Variants in EIF2D observed in about 807,000 individuals in gnomAD.
EIF2D encodes eukaryotic translation initiation factor 2D.
Under a neutral mutation model 77.4 loss-of-function variants are expected in EIF2D, and 56 were observed. The ratio of observed to expected loss-of-function variants is 0.72; its 90% CI spans 0.58 to 0.90. The LOEUF (loss-of-function observed/expected upper bound fraction) is 0.90, where lower values mean the gene tolerates loss of function less well. Ranked by LOEUF, EIF2D falls within the 40% of genes least tolerant of loss-of-function variation. The pLI, the probability that EIF2D is intolerant of heterozygous loss-of-function variation, is 0.00. For synonymous variants in EIF2D, 230 were observed against 271.0 expected (o/e 0.85, Z 1.49); for missense variants, 574 against 706.5 (o/e 0.81, Z 2.13).
chr1:206,569,713 G>A (rs1553403908), downstream of EIF2D, among the ~76,000 whole-genome samples: 1 of 152,162 alleles, frequency 6.6e-6, no homozygotes, highest in Non-Finnish European at 1.5e-5. Context: ...CCTGATCTCT[G>A]AGCACAGGCT....
At chr1:206,585,970 T>A (rs1337434189) in intron 2 of EIF2D, 3 of 152,436 alleles carry the variant, frequency 2.0e-5, no homozygotes, top group African/African-American at 7.2e-5. Flanking sequence ...TTGGCATCTG[T>A]GCAGAATATG....
At chr1:206,577,003 G>A (rs567845769) in intron 4 of EIF2D, among the ~76,000 whole-genome samples, 33 of 151,528 alleles carry the variant, frequency 2.2e-4, no homozygotes, top group African/African-American at 7.5e-4. Context: ...TAGAGACAGG[G>A]TCTCACTATG....
chr1:206,583,058 T>G (rs1553406677), intron 2 of EIF2D: 1 of 503,932 alleles, frequency 2.0e-6, no homozygotes, highest in African/African-American at 1.9e-5. Flanking sequence ...CTTAGAGAAA[T>G]CTGAGTTACT....
At chr1:206,606,646 G>T (rs1326103707) in intron 4 of EIF2D, among the ~76,000 whole-genome samples, 1 of 152,116 alleles carries the variant, frequency 6.6e-6, no homozygotes, top group African/African-American at 2.4e-5. Flanking sequence ...GTTCCAAAGC[G>T]TTCAAGGAAA....
chr1:206,600,359 A>T (rs1553411056), intron 7 of EIF2D, 51 bp from the exon 8 acceptor site: 1 of 1,556,928 alleles, frequency 6.4e-7, no homozygotes, highest in South Asian at 1.1e-5. Flanking sequence ...TCATACTGGG[A>T]CCTGCCTGAC....
intron 8 of EIF2D, 23 bp downstream of exon 8, chr1:206,600,240 C>G: frequency 6.2e-7 from 1 of 1,612,268 alleles, no homozygotes; most frequent in Non-Finnish European, 8.5e-7. Flanking sequence ...CTGCATGGGT[C>G]TGCAAAGAAG....
chr1:206,582,693 G>A (rs1224470224), intron 2 of EIF2D, among the ~76,000 whole-genome samples: 3 of 152,232 alleles, frequency 2.0e-5, no homozygotes, highest in Non-Finnish European at 4.4e-5. Flanking sequence ...TATGTGAAAA[G>A]CACTGTGGCA....
chr1:206,610,026 G>A (rs1553413565), intron 2 of EIF2D, among the ~76,000 whole-genome samples: 1 of 152,138 alleles, frequency 6.6e-6, no homozygotes, highest in African/African-American at 2.4e-5. Flanking sequence ...AAGAGAAAAG[G>A]AGACTGAGTC....
chr1:206,606,009 A>G (rs782421273), intron 4 of EIF2D, among the ~76,000 whole-genome samples: 2 of 152,224 alleles, frequency 1.3e-5, no homozygotes, highest in Non-Finnish European at 1.5e-5. Flanking sequence ...AGTTGACTTT[A>G]TAAGAGGGGT....
In EIF2D at chr1:206,608,316, C is replaced by T; in HGVS notation, c.342G>A (p.Leu114=). The T allele has an allele frequency of 6.2e-7, 1 of 1,611,176 alleles. No homozygotes were observed. The highest frequency in any genetic ancestry group is 8.5e-7 in the Non-Finnish European group (1 of 1,178,376). Residue 114 remains leucine, a synonymous_variant, in exon 4 of 15, where the codon CTG becomes CTA. Transcript: ENST00000271764. ...EKLVGGADLM[L]PGLVMPPAGL... is the part of the protein sequence containing the mutation. ...CAGCAGGGGGCATCACCAGTCCAGG[C>T]AGCATCAAATCTGCAATGAACAAAA...
In EIF2D at chr1:206,609,384, C is replaced by A; in HGVS notation, c.323G>T (p.Gly108Val). 3.1e-6 allele frequency: 5 copies of A among 1,614,176 alleles called. No individual in the cohort carries two copies. The highest frequency in any genetic ancestry group is 4.2e-6 in the Non-Finnish European group (5 of 1,180,006). ...TWPLVLEKLV[G>V]GADLMLPGLV... ...TAGGAGAATCCTCTTACCTGCTCCC[C>A]CTACCAGTTTCTCGAGCACCAGAGG... The change falls in exon 3 of 15, where the codon GGG (glycine) becomes GTG (valine). Residue 108 changes from glycine (G) to valine (V), a missense_variant. By Grantham distance (109) the Gly-to-Val change is moderately radical. Transcript: ENST00000271764.
At chr1:206,577,564 T>G (rs139279340) in intron 4 of EIF2D, among the ~76,000 whole-genome samples, 1 of 152,210 alleles carries the variant, frequency 6.6e-6, no homozygotes, top group East Asian at 1.9e-4. Context: ...TAGTTAGTCA[T>G]GGGAGTCAGA....
At chr1:206,573,946 C>T (rs1237408567) in intron 4 of EIF2D, among the ~76,000 whole-genome samples, 5 of 152,376 alleles carry the variant, frequency 3.3e-5, no homozygotes, top group Admixed American at 3.3e-4. Flanking sequence ...GCCCAGCGTG[C>T]AAGGCAGCAT....
At chr1:206,605,578 C>T in intron 4 of EIF2D, 71 bp from the exon 5 acceptor site, 1 of 1,316,546 alleles carries the variant, frequency 7.6e-7, no homozygotes, top group Non-Finnish European at 1.1e-6. Flanking sequence ...GGATCATCTT[C>T]TGACACATGT....
chr1:206,611,328 T>C lies in EIF2D; in HGVS notation c.103A>G (p.Thr35Ala), dbSNP rs35905398. ...DVTTAFPTLG[T>A]DQVSELVPGK... ...GGTACTAACTCAGAGACTTGATCAG[T>C]TCCAAGGGTGGGGAAAGCAGTTGTC... is the stretch of plus-strand genomic sequence containing the variant. The change falls in exon 2 of 15, where the codon ACT becomes GCT. Residue 35 changes from threonine (T) to alanine (A), a missense_variant. Thr to Ala is a moderately conservative substitution (Grantham distance 58, BLOSUM62 0). Coordinates refer to ENST00000271764, the MANE Select transcript of EIF2D (RefSeq NM_006893.3). 6.6e-5 allele frequency: 106 copies of C among 1,614,208 alleles called. No individual in the cohort carries two copies. In the African/African-American group the frequency reaches 9.7e-4, roughly 15 times the overall value.
intron 2 of EIF2D, chr1:206,586,507 G>A (rs1669115683): frequency 8.0e-6 from 2 of 249,830 alleles, no homozygotes; most frequent in Non-Finnish European, 1.6e-5. Context: ...CTGCATGTTG[G>A]GAGGCTGGGT....
At chr1:206,586,846 T>C (rs1669138047), downstream of EIF2D, 17 of 1,613,962 alleles carry the variant, frequency 1.1e-5, no homozygotes, top group Non-Finnish European at 1.4e-5. Context: ...TCTCCATCCC[T>C]GAACTTCAGA....
At chr1:206,593,393 A>G (rs1216865012) in intron 14 of EIF2D, among the ~76,000 whole-genome samples, 2 of 152,030 alleles carry the variant, frequency 1.3e-5, no homozygotes, top group African/African-American at 4.8e-5. Context: ...GAAAACACTG[A>G]ATTTGGAAGG....
Position 206,584,890 on chromosome 1 carries a change from A to T in EIF2D, c.139-3728T>A. 1.6e-6 allele frequency: 1 copy of T among 610,018 alleles called. No homozygotes were observed. Among genetic ancestry groups the T allele is most frequent in the East Asian group, 2.7e-5 (1 of 36,524 alleles). The allele number at this position is 610,018 out of a possible 1,614,324, so 37.8% of individuals were successfully genotyped here. A position where few individuals can be genotyped will look rare whatever the true frequency, so the allele number is the denominator to read the frequency against. The stretch of plus-strand genomic sequence containing the variant: ...TGACTCTGCATGTGACTTCAGGAAA[A>T]CCACACCCTAGGCTCCCATTTCCTG... On this transcript the variant is annotated intron_variant and NMD_transcript_variant, in intron 2 of 5. Coordinates refer to the EIF2D transcript ENST00000472709. This position sits in a 1 kb window ranked among gnomAD's most constrained non-coding sequence, Gnocchi z 4.9.
Sources: gnomAD v4.1 joint callset for allele counts (sites outside exome capture counted in the v4.1 genomes callset) on GRCh38, gnomAD v4.1.1 for gene constraint, Gnocchi (gnomAD v3.1) non-coding constraint, MANE v1.5 for transcripts, NCBI Gene and HGNC (gene_info 2026-07-23, HGNC 2026-07-21) for gene names.